ATP2B4: variants seen among roughly 807,000 people sequenced by gnomAD.
ATP2B4 encodes the protein ATPase plasma membrane Ca2+ transporting 4, also known as plasma membrane calcium-transporting ATPase 4.
In ATP2B4, 39 loss-of-function variants were observed where a neutral mutation model predicts 110.3. That is an observed-to-expected ratio of 0.35 (90% confidence interval 0.27 to 0.46). The LOEUF (loss-of-function observed/expected upper bound fraction) is 0.46. Among genes scored for constraint, ATP2B4 ranks in the 20% least tolerant of loss-of-function variants. The pLI is 1.00. For synonymous variants in ATP2B4, 538 were observed against 571.7 expected, an observed-to-expected ratio of 0.94 and a Z score of 0.84; for missense variants, 1,135 against 1,530.9, an observed-to-expected ratio of 0.74 and a Z score of 4.32.
At chr1:203,685,615 C>A (rs1007327207) in intron 2 of ATP2B4, among the ~76,000 whole-genome samples, 1 of 152,156 alleles carries the variant, frequency 6.6e-6, no homozygotes, top group Admixed American at 6.5e-5. Flanking sequence ...TCTTTACAAC[C>A]TAAGGGAGCT....
At chr1:203,720,126 A>G (rs1666279244) in intron 15 of ATP2B4, among the ~76,000 whole-genome samples, 1 of 152,166 alleles carries the variant, frequency 6.6e-6, no homozygotes, top group Admixed American at 6.5e-5. Context: ...AAATTTTGGA[A>G]CTGTGCTGCC....
chr1:203,632,174 T>C (rs1024365965), intron 1 of ATP2B4, among the ~76,000 whole-genome samples: 8 of 151,218 alleles, frequency 5.3e-5, no homozygotes, highest in African/African-American at 1.9e-4. Context: ...CAAACAATGG[T>C]ACAGTCCATA....
At position 203,712,265 on chromosome 1, in the gene ATP2B4, C is replaced by T. The variant is rs550073149; in HGVS notation, c.2211+126C>T. ...AAAGTGAAAGCTATTCGTAGTGAAA[C>T]ATCTCCTTGTACCAAACTGCTGATA... On this transcript the variant is annotated intron_variant, in intron 13 of 20. Coordinates refer to ENST00000357681, the MANE Select transcript of ATP2B4 (RefSeq NM_001684.5). 80 of 1,141,342 alleles carry T rather than the reference C, an allele frequency of 7.0e-5. No individual in the cohort carries two copies. The African/African-American group carries it at 1.2e-3, about 18-fold the overall frequency. The allele number at this position is 1,141,342 out of a possible 1,614,324, so 70.7% of individuals were successfully genotyped here. A position where few individuals can be genotyped will look rare whatever the true frequency, so the allele number is the denominator to read the frequency against.
intron 1 of ATP2B4, among the ~76,000 whole-genome samples, chr1:203,631,735 T>G (rs1663274248): frequency 6.6e-6 from 1 of 152,142 alleles, no homozygotes; most frequent in South Asian, 2.1e-4. Context: ...GTCTAGGAAT[T>G]TATCCAGAAG....
At chr1:203,634,412 G>A (rs935105428) in intron 1 of ATP2B4, among the ~76,000 whole-genome samples, 1 of 151,898 alleles carries the variant, frequency 6.6e-6, no homozygotes, top group Non-Finnish European at 1.5e-5. Flanking sequence ...GTGGCCCATA[G>A]CCTTGAACTC....
chr1:203,716,178 T>C (rs1381187203), intron 15 of ATP2B4, among the ~76,000 whole-genome samples: 2 of 144,982 alleles, frequency 1.4e-5, no homozygotes, highest in African/African-American at 2.5e-5. Context: ...TACTCATGAC[T>C]AAGATTCATA....
chr1:203,740,484 A>C lies in ATP2B4; in HGVS notation c.*630A>C, dbSNP rs1666976906. On this transcript the variant is annotated 3_prime_UTR_variant, in exon 21 of 21. Transcript: ENST00000357681. Reference sequence around the variant, plus strand: ...TATGATGATTAAGAAAATGGAAAGGATATGGATGAATTGTGTAAACTTAGA... The same window carrying C: ...TATGATGATTAAGAAAATGGAAAGGCTATGGATGAATTGTGTAAACTTAGA... 1 of 146,264 alleles carries C rather than the reference A, an allele frequency of 6.8e-6. No individual in the cohort carries two copies. Among genetic ancestry groups the C allele is most frequent in the Non-Finnish European group, 1.5e-5 (1 of 67,100 alleles). The allele number at this position is 146,264 out of a possible 1,614,324, so 9.1% of individuals were successfully genotyped here.
At chr1:203,685,918 T>C (rs759211000) in intron 2 of ATP2B4, among the ~76,000 whole-genome samples, 1 of 152,034 alleles carries the variant, frequency 6.6e-6, no homozygotes, top group Non-Finnish European at 1.5e-5. Flanking sequence ...TGGGTGCCTA[T>C]GGAGTGCAAT....
chr1:203,733,136 A>C, intron 20 of ATP2B4: 2 of 1,330,840 alleles, frequency 1.5e-6, no homozygotes, highest in Non-Finnish European at 2.0e-6. Flanking sequence ...CTGCTTCCCC[A>C]ACCTTCCATG....
intron 7 of ATP2B4, among the ~76,000 whole-genome samples, chr1:203,702,593 C>T (rs1336970285): frequency 6.6e-6 from 1 of 152,200 alleles, no homozygotes; most frequent in Non-Finnish European, 1.5e-5. Flanking sequence ...CCCCACCTCC[C>T]TTCTTTGTTC....
At position 203,675,023 on chromosome 1, in the gene ATP2B4, C is replaced by A. The variant is rs534261083; in HGVS notation, c.-464-7719C>A. ...TGCGCCTGGCCTCATCTTAATAATA[C>A]TGATGCCATTTCAAGATGGAGCCAG... is the stretch of plus-strand genomic sequence containing the variant. On this transcript the variant is annotated intron_variant, in intron 1 of 20. Transcript: ENST00000357681. Among the ~76,000 whole-genome samples, 3 of 152,294 alleles carry A rather than the reference C, an allele frequency of 2.0e-5. No homozygotes were observed. In the East Asian group the frequency reaches 5.8e-4, roughly 29 times the overall value.
chr1:203,640,782 A>G lies in ATP2B4; in HGVS notation c.-465+13563A>G, dbSNP rs1322403244. Among the ~76,000 whole-genome samples, 3 of 152,214 alleles carry G rather than the reference A, an allele frequency of 2.0e-5. No individual in the cohort carries two copies. In the South Asian group the frequency reaches 6.2e-4, roughly 32 times the overall value. On this transcript the variant is annotated intron_variant, in intron 1 of 20. Coordinates refer to ENST00000357681, the MANE Select transcript of ATP2B4 (RefSeq NM_001684.5). ...ATTGTCTTCATTTTCCACATGATAAAGATGTTCATAAACCATAAGGCTAAG... is the reference window on the plus strand; with the variant it reads ...ATTGTCTTCATTTTCCACATGATAAGGATGTTCATAAACCATAAGGCTAAG...
chr1:203,710,985 G>A lies in ATP2B4; in HGVS notation c.1908G>A (p.Arg636=). The A allele has an allele frequency of 1.9e-6, 3 of 1,614,112 alleles. No individual in the cohort carries two copies. Among genetic ancestry groups the A allele is most frequent in the East Asian group, 4.5e-5 (2 of 44,876 alleles). ...AGCCCATGGCCTGTGATGGACTCCG[G>A]ACTATCTGCATAGCTTACCGGGACT... The part of the protein sequence containing the change: ...VIEPMACDGL[R]TICIAYRDFD... Residue 636 remains arginine (R), a synonymous_variant, in exon 12 of 21, where the codon CGG becomes CGA. Coordinates refer to ENST00000357681, the MANE Select transcript of ATP2B4 (RefSeq NM_001684.5).
chr1:203,730,404 C>T (rs1381427542), intron 20 of ATP2B4, among the ~76,000 whole-genome samples: 2 of 152,130 alleles, frequency 1.3e-5, no homozygotes, highest in Non-Finnish European at 2.9e-5. Context: ...CTCCCTACCC[C>T]ACCCCACACT....
At chr1:203,686,690 T>G (rs1416263372) in intron 2 of ATP2B4, among the ~76,000 whole-genome samples, 17 of 115,544 alleles carry the variant, frequency 1.5e-4, no homozygotes, top group African/African-American at 5.6e-4. Flanking sequence ...TCTTTCTTTT[T>G]TTTTTTTTTT....
intron 1 of ATP2B4, among the ~76,000 whole-genome samples, chr1:203,663,242 T>C (rs1664402740): frequency 6.6e-6 from 1 of 152,246 alleles, no homozygotes; most frequent in African/African-American, 2.4e-5. Flanking sequence ...AATATGGGTG[T>C]ATCCTGTCTT....
At chr1:203,645,984 GA>G (rs1663787787) in intron 1 of ATP2B4, among the ~76,000 whole-genome samples, 2 of 151,928 alleles carry the variant, frequency 1.3e-5, no homozygotes, top group South Asian at 4.2e-4. Context: ...ACCACGTTTC[GA>G]GGAGGGCTTT....
At position 203,727,417 on chromosome 1, in the gene ATP2B4, G is replaced by A. The variant is rs765648363; in HGVS notation, c.3155G>A (p.Arg1052Gln). 112 of 1,614,028 alleles carry A rather than the reference G, an allele frequency of 6.9e-5. 1 individual carries two copies. The highest frequency in any genetic ancestry group is 6.7e-4 in the Admixed American group (40 of 60,002). Residue 1052 changes from arginine (R) to glutamine (Q), a missense_variant, in exon 20 of 21, where the codon CGA (arginine) becomes CAA (glutamine). Arg to Gln is a conservative substitution (Grantham distance 43, BLOSUM62 1). Transcript: ENST00000357681. ...CAGTTCATCTCCGCAATACCTACCC[G>A]ATCCCTGAAGTTCCTGAAGGAGGCT... is the stretch of plus-strand genomic sequence containing the variant. Reference protein sequence around the residue: ...WGQFISAIPTRSLKFLKEAGH... With the variant: ...WGQFISAIPTQSLKFLKEAGH...
At position 203,739,675 on chromosome 1, in the gene ATP2B4, C is replaced by T. The variant is rs1666956398; in HGVS notation, c.3439C>T (p.Leu1147Phe). 2 of 1,614,192 alleles carry T rather than the reference C, an allele frequency of 1.2e-6. No individual in the cohort carries two copies. The highest frequency in any genetic ancestry group is 1.1e-5 in the South Asian group (1 of 91,082). ...AIEEELPRTP[L>F]LDEEEEENPD... is the part of the protein sequence containing the mutation. ...AGAGGAGGAGTTGCCACGAACACCA[C>T]TCCTGGATGAGGAAGAGGAGGAAAA... is the stretch of plus-strand genomic sequence containing the variant. Residue 1147 changes from leucine to phenylalanine, a missense_variant, in exon 21 of 21, where the codon CTC becomes TTC. Transcript: ENST00000357681.
Sources: gnomAD v4.1 joint callset for allele counts (sites outside exome capture counted in the v4.1 genomes callset) on GRCh38, gnomAD v4.1.1 for gene constraint, MANE v1.5 for transcripts, NCBI Gene and HGNC (gene_info 2026-07-23, HGNC 2026-07-21) for gene names.